Variants in TJP2 observed in about 807,000 individuals in gnomAD.
TJP2 encodes the protein tight junction protein 2, also known as Friedreich ataxia region gene X104 (tight junction protein ZO-2).
TJP2 carries 91 observed loss-of-function variants against 133.1 expected under a neutral mutation model. That is an observed-to-expected ratio of 0.68 (90% CI 0.58 to 0.81). The LOEUF (loss-of-function observed/expected upper bound fraction) is 0.81. Among genes scored for constraint, TJP2 ranks in the 40% least tolerant of loss-of-function variants. The pLI, the probability that TJP2 is intolerant of heterozygous loss-of-function variation, is 0.00. For missense variants in TJP2, 1,541 were observed against 1,565.6 expected, an observed-to-expected ratio of 0.98 and a Z score of 0.26; for synonymous variants, 592 against 583.4, an observed-to-expected ratio of 1.01 and a Z score of -0.21.
At chr9:69,140,750 T>C (rs1587894740) in intron 1 of TJP2, among the ~76,000 whole-genome samples, 1 of 152,370 alleles carries the variant, frequency 6.6e-6, no homozygotes, top group East Asian at 1.9e-4. Context: ...GCTAGAATCC[T>C]ACAATTCTAG....
intron 1 of TJP2, among the ~76,000 whole-genome samples, chr9:69,132,686 C>T (rs996113736): frequency 6.6e-5 from 10 of 152,196 alleles, no homozygotes; most frequent in Non-Finnish European, 1.2e-4. Flanking sequence ...AAGGATACCA[C>T]GGTGAGCAGG....
intron 1 of TJP2, among the ~76,000 whole-genome samples, chr9:69,196,980 T>G (rs1033061835): frequency 4.7e-5 from 4 of 84,500 alleles, no homozygotes; most frequent in African/African-American, 1.1e-4. Context: ...CACACACATG[T>G]TTTCTGGAGG....
rs60585707 is a variant in TJP2 at position 69,211,008 on chromosome 9, G to A, written c.61-1540G>A. ...CTGAGTGCTGGAAATACAGACGTGA[G>A]CCACTGCACCCAGCCCTCTTCTAAT... is the stretch of plus-strand genomic sequence containing the variant. On this transcript the variant is annotated intron_variant, in intron 1 of 22. Transcript: ENST00000377245. 8.9e-3 allele frequency among the ~76,000 whole-genome samples: 1,362 copies of A among 152,302 alleles called. 9 individuals carry two copies. Among genetic ancestry groups the A allele is most frequent in the African/African-American group, 0.031 (1,290 of 41,560 alleles).
upstream of TJP2, among the ~76,000 whole-genome samples, chr9:69,172,913 A>G (rs115685008): frequency 9.4e-3 from 1,434 of 152,250 alleles, 29 homozygotes; most frequent in African/African-American, 0.032. Context: ...TTAGATCAGG[A>G]GAGCAATGCC....
At chr9:69,228,246 T>A in intron 9 of TJP2, 132 bp downstream of exon 9, 1 of 1,131,920 alleles carries the variant, frequency 8.8e-7, no homozygotes, top group Non-Finnish European at 1.3e-6. Context: ...CTAAGCTAAT[T>A]AACATGGTAA....
rs1435463609 is a variant in TJP2 at position 69,125,327 on chromosome 9, G to A, written c.-131+3602G>A. Among the ~76,000 whole-genome samples the A allele has an allele frequency of 8.9e-5, 4 of 45,142 alleles. 2 individuals carry two copies. Among genetic ancestry groups the A allele is most frequent in the Non-Finnish European group, 1.8e-4 (4 of 22,606 alleles). The allele number at this position is 45,142 out of a possible 152,430, so 29.6% of individuals were successfully genotyped here. A position where few individuals can be genotyped will look rare whatever the true frequency, so the allele number is the denominator to read the frequency against. ...GATTTTTTTTTTTTTTTTTTTTTGA[G>A]ATAGAGTCTAACTCTGTTATCCGGG... is the stretch of plus-strand genomic sequence containing the variant. On this transcript the variant is annotated intron_variant, in intron 1 of 5. Transcript: ENST00000423935.
chr9:69,131,010 G>A (rs1822472346), intron 1 of TJP2, among the ~76,000 whole-genome samples: 1 of 152,192 alleles, frequency 6.6e-6, no homozygotes, highest in Admixed American at 6.5e-5. Flanking sequence ...GGGATGTGCT[G>A]CTTGTGGCCA....
chr9:69,167,916 T>C (rs777779780), intron 2 of TJP2, among the ~76,000 whole-genome samples: 6 of 151,596 alleles, frequency 4.0e-5, no homozygotes, highest in Non-Finnish European at 7.4e-5. Flanking sequence ...TGAAAATTTG[T>C]TCTGTTCTTT....
intron 5 of TJP2, among the ~76,000 whole-genome samples, chr9:69,225,099 T>C (rs914366486): frequency 3.3e-5 from 5 of 152,252 alleles, no homozygotes; most frequent in African/African-American, 1.2e-4. Context: ...GGTTTTTATG[T>C]AACTTTTAAT....
chr9:69,250,301 G>A (rs1181988733), intron 20 of TJP2, among the ~76,000 whole-genome samples: 2 of 151,970 alleles, frequency 1.3e-5, no homozygotes, highest in Admixed American at 6.6e-5. Context: ...ATGGGGTTTC[G>A]ACATGTTGGC....
chr9:69,187,172 G>A (rs1474589994), intron 1 of TJP2, among the ~76,000 whole-genome samples: 1 of 152,168 alleles, frequency 6.6e-6, no homozygotes, highest in African/African-American at 2.4e-5. Context: ...TAATAGAACA[G>A]AAGGAACATA....
intron 1 of TJP2, among the ~76,000 whole-genome samples, chr9:69,134,414 G>A: frequency 6.6e-6 from 1 of 152,208 alleles, no homozygotes; most frequent in East Asian, 1.9e-4. Flanking sequence ...GAAATAGGAA[G>A]TTGGAATGTT....
Position 69,153,147 on chromosome 9 carries a change from C to A in TJP2, c.-10+1376C>A, listed in dbSNP as rs998383933. Among the ~76,000 whole-genome samples, 3 of 152,044 alleles carry A rather than the reference C, an allele frequency of 2.0e-5. No homozygotes were observed. In the South Asian group the frequency reaches 6.2e-4, roughly 32 times the overall value. ...ACATGAGAAGCTGAGGTGGGAGGATCGCTTGAGCCCAGGAATTCGAGGCTG... is the reference window on the plus strand; with the variant it reads ...ACATGAGAAGCTGAGGTGGGAGGATAGCTTGAGCCCAGGAATTCGAGGCTG... On this transcript the variant is annotated intron_variant, in intron 2 of 5. Coordinates refer to the TJP2 transcript ENST00000423935.
intron 1 of TJP2, among the ~76,000 whole-genome samples, chr9:69,144,164 G>A (rs1486813145): frequency 1.3e-5 from 2 of 152,082 alleles, no homozygotes; most frequent in Non-Finnish European, 2.9e-5. Context: ...CACGTGCCCA[G>A]CAACACTCAA....
intron 17 of TJP2, among the ~76,000 whole-genome samples, chr9:69,242,016 G>A (rs78036065): frequency 0.049 from 7,467 of 152,262 alleles, 220 homozygotes; most frequent in Middle Eastern, 0.11. Context: ...AATAGCGAGC[G>A]TCTTCCCTCA....
intron 11 of TJP2, among the ~76,000 whole-genome samples, chr9:69,233,220 G>C (rs1298025844): frequency 6.6e-6 from 1 of 152,176 alleles, no homozygotes; most frequent in Non-Finnish European, 1.5e-5. Flanking sequence ...CACCAAATTA[G>C]TTTTAGTCTA....
chr9:69,191,700 G>C (rs1421569848), intron 1 of TJP2, among the ~76,000 whole-genome samples: 1 of 152,174 alleles, frequency 6.6e-6, no homozygotes, highest in Non-Finnish European at 1.5e-5. Context: ...ATGTACAATA[G>C]AGACTAAACG....
chr9:69,188,377 A>C (rs942295346), intron 1 of TJP2, among the ~76,000 whole-genome samples: 10 of 152,134 alleles, frequency 6.6e-5, no homozygotes, highest in African/African-American at 2.2e-4. Flanking sequence ...TAAATTGCCC[A>C]GTGTCACACG....
chr9:69,171,798 T>TTTC (rs1824699014), upstream of TJP2, among the ~76,000 whole-genome samples: 1 of 137,952 alleles, frequency 7.2e-6, no homozygotes, highest in East Asian at 2.1e-4. Context: ...AATTTTTTTT[T>TTTC]TTTTTTTTTT....
Sources: gnomAD v4.1 joint callset for allele counts (sites outside exome capture counted in the v4.1 genomes callset) on GRCh38, gnomAD v4.1.1 for gene constraint, MANE v1.5 for transcripts, NCBI Gene and HGNC (gene_info 2026-07-23, HGNC 2026-07-21) for gene names.